The following POMGNT2 variants were observed in gnomAD, a reference collection of about 807,000 sequenced individuals.
POMGNT2 encodes the protein protein O-linked mannose N-acetylglucosaminyltransferase 2 (beta 1,4-), also known as protein O-linked-mannose beta-1,4-N-acetylglucosaminyltransferase 2.
Under a neutral mutation model 37.8 loss-of-function variants are expected in POMGNT2, and 32 were observed. The ratio of observed to expected loss-of-function variants is 0.85; its 90% CI spans 0.64 to 1.14. The LOEUF (loss-of-function observed/expected upper bound fraction) is 1.14. Ranked by LOEUF, POMGNT2 falls within the 50% of genes most tolerant of loss-of-function variation. The pLI is 0.00. For synonymous variants in POMGNT2, 340 were observed against 336.8 expected (o/e 1.01, Z -0.10); for missense variants, 705 against 780.6 (o/e 0.90, Z 1.15).
chr3:43,092,204 CTT>C (rs1217536819), intron 1 of POMGNT2, among the ~76,000 whole-genome samples: 2 of 152,088 alleles, frequency 1.3e-5, no homozygotes, highest in African/African-American at 4.8e-5. Flanking sequence ...GTTTATGTAA[CTT>C]TTTTGTAAGT....
intron 1 of POMGNT2, among the ~76,000 whole-genome samples, chr3:43,095,873 C>A (rs935879257): frequency 6.6e-6 from 1 of 152,154 alleles, no homozygotes; most frequent in Non-Finnish European, 1.5e-5. Context: ...AATAAGGGCA[C>A]GCACATCCCA....
chr3:43,096,768 G>T (rs1207384607), intron 1 of POMGNT2, among the ~76,000 whole-genome samples: 1 of 152,012 alleles, frequency 6.6e-6, no homozygotes, highest in Non-Finnish European at 1.5e-5. Flanking sequence ...TTTTTCAAAA[G>T]AAAGAGAAAA....
chr3:43,102,415 G>T (rs746129567), intron 1 of POMGNT2, among the ~76,000 whole-genome samples: 1 of 152,234 alleles, frequency 6.6e-6, no homozygotes, highest in African/African-American at 2.4e-5. Context: ...CTGGCAGAGT[G>T]AAAGATCTGA....
intron 1 of POMGNT2, among the ~76,000 whole-genome samples, chr3:43,097,285 T>C (rs1366268319): frequency 2.0e-5 from 3 of 152,228 alleles, no homozygotes; most frequent in East Asian, 1.9e-4. Flanking sequence ...GAACACCTAA[T>C]GCCAGCTGAT....
intron 1 of POMGNT2, among the ~76,000 whole-genome samples, chr3:43,084,226 A>C (rs1332514536): frequency 6.6e-6 from 1 of 152,086 alleles, no homozygotes; most frequent in African/African-American, 2.4e-5. Flanking sequence ...GTTTGCTCAG[A>C]TTCTTGAATC....
Position 43,080,689 on chromosome 3 carries a change from A to T in POMGNT2, c.743T>A (p.Val248Glu). Residue 248 changes from valine (V) to glutamate (E), a missense_variant, in exon 2 of 2, where the codon GTG becomes GAG. By Grantham distance (121) the Val-to-Glu change is moderately radical. Coordinates refer to ENST00000344697, the MANE Select transcript of POMGNT2 (RefSeq NM_032806.6). The stretch of plus-strand genomic sequence containing the variant: ...GTTGGCCTTCGGGCCCTGGGGCTGC[A>T]CAAAGCCATACTGGTACCAGGTAGT... ...KITTWYQYGF[V>E]QPQGPKANIL... 6.2e-7 allele frequency: 1 copy of T among 1,614,200 alleles called. No individual in the cohort carries two copies. Among genetic ancestry groups the T allele is most frequent in the Non-Finnish European group, 8.5e-7 (1 of 1,180,036 alleles).
intron 1 of POMGNT2, among the ~76,000 whole-genome samples, chr3:43,082,699 C>T (rs889462540): frequency 6.6e-6 from 1 of 152,236 alleles, no homozygotes; most frequent in Admixed American, 6.5e-5. Flanking sequence ...GAGGGAGTAG[C>T]TGCTCCTTTA....
At chr3:43,081,981 G>A (rs563429741) in intron 1 of POMGNT2, among the ~76,000 whole-genome samples, 33 of 152,340 alleles carry the variant, frequency 2.2e-4, no homozygotes, top group Non-Finnish European at 4.9e-4. Context: ...GATCCCTCAT[G>A]ACTGAGTGGG....
At chr3:43,101,184 T>C (rs568546445) in intron 1 of POMGNT2, among the ~76,000 whole-genome samples, 1 of 152,234 alleles carries the variant, frequency 6.6e-6, no homozygotes, top group African/African-American at 2.4e-5. Flanking sequence ...GTGTGGACTA[T>C]GGGCACATAT....
Position 43,081,510 on chromosome 3 carries a change from A to G in POMGNT2, c.-79T>C, listed in dbSNP as rs2089856417. On this transcript the variant is annotated 5_prime_UTR_variant, in exon 2 of 2. Coordinates refer to ENST00000344697, the MANE Select transcript of POMGNT2 (RefSeq NM_032806.6). ...GGCCAGGCAGGCTTCACCCATCCCT[A>G]TGGGCATCCTGAGAACTGGTGAAAG... The G allele has an allele frequency of 8.2e-6, 10 of 1,219,390 alleles. No individual in the cohort carries two copies. In the South Asian group the frequency reaches 1.4e-4, roughly 17 times the overall value. The allele number at this position is 1,219,390 out of a possible 1,614,324, so 75.5% of individuals were successfully genotyped here.
chr3:43,099,298 C>A (rs1056619017), intron 1 of POMGNT2, among the ~76,000 whole-genome samples: 2 of 152,116 alleles, frequency 1.3e-5, no homozygotes, highest in Non-Finnish European at 2.9e-5. Flanking sequence ...GAAGTGTGCA[C>A]AACAAGAGAT....
intron 1 of POMGNT2, among the ~76,000 whole-genome samples, chr3:43,104,993 CCT>C (rs1309157384): frequency 6.6e-6 from 1 of 152,208 alleles, no homozygotes; most frequent in African/African-American, 2.4e-5. Flanking sequence ...AATGAAACCT[CCT>C]CTGTCTATGC....
rs767368543 is a variant in POMGNT2 at position 43,081,222 on chromosome 3, C to T, written c.210G>A (p.Thr70=). 27 of 1,613,910 alleles carry T rather than the reference C, an allele frequency of 1.7e-5. No individual in the cohort carries two copies. Among genetic ancestry groups the T allele is most frequent in the East Asian group, 2.2e-5 (1 of 44,884 alleles). ...AGATGCGGTCTGTGTGCGTGCGGCC[C>T]GTGCACACCATGTGTGTGCCGCCCT... ...LMEGGTHMVC[T]GRTHTDRICR... The change falls in exon 2 of 2, where the codon ACG becomes ACA. Residue 70 remains threonine (T), a synonymous_variant. Coordinates refer to ENST00000344697, the MANE Select transcript of POMGNT2 (RefSeq NM_032806.6).
At chr3:43,086,365 C>T (rs754978442) in intron 1 of POMGNT2, among the ~76,000 whole-genome samples, 14 of 152,196 alleles carry the variant, frequency 9.2e-5, no homozygotes, top group Admixed American at 2.0e-4. Context: ...ATTTAGCTTG[C>T]ACAAGAACCC....
chr3:43,084,481 T>C (rs2089880192), intron 1 of POMGNT2, among the ~76,000 whole-genome samples: 1 of 151,954 alleles, frequency 6.6e-6, no homozygotes, highest in Admixed American at 6.6e-5. Flanking sequence ...CCATGTCTAC[T>C]AAAAATACAA....
chr3:43,105,632 C>CCGCGCCTCCCTCAGCTCGCTTCACACGT (rs2090053077), intron 1 of POMGNT2, among the ~76,000 whole-genome samples: 14 of 151,124 alleles, frequency 9.3e-5, no homozygotes, highest in Non-Finnish European at 1.8e-4. Context: ...CGCCCACCTC[C>CCGCGCCTCCCTCAGCTCGCTTCACACGT]CGCGCCTCCC....
At chr3:43,102,056 G>C (rs1383092183) in intron 1 of POMGNT2, among the ~76,000 whole-genome samples, 6 of 152,026 alleles carry the variant, frequency 3.9e-5, no homozygotes, top group African/African-American at 1.5e-4. Context: ...GGTCCCCCGA[G>C]AAAGAAGCCC....
At position 43,080,855 on chromosome 3, in the gene POMGNT2, A is replaced by G; in HGVS notation, c.577T>C (p.Phe193Leu). The G allele has an allele frequency of 1.2e-6, 2 of 1,614,060 alleles. No individual in the cohort carries two copies. The highest frequency in any genetic ancestry group is 1.7e-6 in the Non-Finnish European group (2 of 1,179,986). ...PGLAHEARLF[F>L]MEGWGEGAHF... is the part of the protein sequence containing the mutation. ...GCACCCTCGCCCCAGCCCTCCATGA[A>G]GAAGAGCCGTGCCTCGTGGGCCAGG... Residue 193 changes from phenylalanine (F) to leucine (L), a missense_variant, in exon 2 of 2, where the codon TTC becomes CTC. By Grantham distance (22) the Phe-to-Leu change is conservative. Transcript: ENST00000344697.
At chr3:43,093,077 G>A (rs2089955715) in intron 1 of POMGNT2, among the ~76,000 whole-genome samples, 1 of 152,238 alleles carries the variant, frequency 6.6e-6, no homozygotes, top group East Asian at 1.9e-4. Context: ...CATCTCTCTA[G>A]TGATCATTCT....
Sources: gnomAD v4.1 joint callset for allele counts (sites outside exome capture counted in the v4.1 genomes callset) on GRCh38, gnomAD v4.1.1 for gene constraint, MANE v1.5 for transcripts, NCBI Gene and HGNC (gene_info 2026-07-23, HGNC 2026-07-21) for gene names.